Variants in EYA4 observed in about 807,000 individuals in gnomAD.
The protein encoded by EYA4 is EYA transcriptional coactivator and phosphatase 4.
In EYA4, 31 loss-of-function variants were observed where a neutral mutation model predicts 87.9. The ratio of observed to expected loss-of-function variants is 0.35; its 90% CI spans 0.27 to 0.48. The LOEUF (loss-of-function observed/expected upper bound fraction) is 0.48, where lower values mean the gene tolerates loss of function less well. Ranked by LOEUF, EYA4 falls within the 20% of genes least tolerant of loss-of-function variation. The probability of loss-of-function intolerance (pLI) is 0.99; values close to 1 mark genes in which losing one functional copy is unlikely to be tolerated. For synonymous variants in EYA4, 263 were observed against 270.6 expected (o/e 0.97, Z 0.28); for missense variants, 678 against 761.4 (o/e 0.89, Z 1.29).
At chr6:133,290,033 A>G (rs1778360693) in intron 2 of EYA4, among the ~76,000 whole-genome samples, 1 of 152,190 alleles carries the variant, frequency 6.6e-6, no homozygotes, top group African/African-American at 2.4e-5. Flanking sequence ...GATTATAACT[A>G]GATTCTGAGC....
intron 2 of EYA4, among the ~76,000 whole-genome samples, chr6:133,285,219 A>G (rs144930756): frequency 0.053 from 8,035 of 152,074 alleles, 732 homozygotes; most frequent in African/African-American, 0.18. Flanking sequence ...GATGGTCTCA[A>G]TCTCCTGACC....
chr6:133,325,800 G>A (rs145019003), intron 2 of EYA4, among the ~76,000 whole-genome samples: 1 of 152,288 alleles, frequency 6.6e-6, no homozygotes, highest in Non-Finnish European at 1.5e-5. Context: ...CAATGAAAAA[G>A]CAGCCATCCA....
intron 17 of EYA4, among the ~76,000 whole-genome samples, chr6:133,517,267 A>T: frequency 6.6e-6 from 1 of 152,096 alleles, no homozygotes; most frequent in East Asian, 1.9e-4. Context: ...AAAAAGAAAA[A>T]TGGGTATTAG....
intron 3 of EYA4, among the ~76,000 whole-genome samples, chr6:133,442,210 A>G (rs558968311): frequency 2.6e-5 from 4 of 152,242 alleles, no homozygotes; most frequent in Admixed American, 2.6e-4. Context: ...TTAGGTCACA[A>G]AATATTTATA....
intron 3 of EYA4, among the ~76,000 whole-genome samples, chr6:133,423,399 C>T (rs1255303676): frequency 6.6e-6 from 1 of 152,134 alleles, no homozygotes; most frequent in Non-Finnish European, 1.5e-5. Flanking sequence ...TACCAATTTA[C>T]ATTCCCAACA....
In EYA4 at chr6:133,361,112, A is replaced by G. The variant is rs1048130401; in HGVS notation, c.34-21280A>G. On this transcript the variant is annotated intron_variant, in intron 2 of 19. Transcript: ENST00000355286. ...CTGGCCTACTTATCACAATGGGTGG[A>G]TCTGAAGCTGACTGTTAGATTGTCA... is the stretch of plus-strand genomic sequence containing the variant. Among the ~76,000 whole-genome samples the G allele has an allele frequency of 2.6e-5, 4 of 152,168 alleles. No homozygotes were observed. In the South Asian group the frequency reaches 8.3e-4, roughly 32 times the overall value.
intron 1 of EYA4, among the ~76,000 whole-genome samples, chr6:133,270,433 A>C (rs1190668549): frequency 6.6e-6 from 1 of 152,240 alleles, no homozygotes; most frequent in Non-Finnish European, 1.5e-5. Context: ...ATGATAAAGG[A>C]AAAGGAAATA....
At chr6:133,294,993 T>C (rs957506253) in intron 2 of EYA4, among the ~76,000 whole-genome samples, 2 of 152,222 alleles carry the variant, frequency 1.3e-5, no homozygotes, top group Admixed American at 6.5e-5. Flanking sequence ...TAGTGTAATA[T>C]AGCTAAATTG....
At chr6:133,295,064 ATAT>A (rs771187513) in intron 2 of EYA4, among the ~76,000 whole-genome samples, 5 of 152,248 alleles carry the variant, frequency 3.3e-5, no homozygotes, top group Non-Finnish European at 5.9e-5. Context: ...TATACTAAAT[ATAT>A]TTAAATGTTT....
rs1038487456 is a variant in EYA4, at chr6:133,530,325, T to C, written c.*1520T>C. 6.1e-6 allele frequency: 6 copies of C among 985,332 alleles called. No individual in the cohort carries two copies. In the African/African-American group the frequency reaches 1.0e-4, roughly 17 times the overall value. The allele number at this position is 985,332 out of a possible 1,614,324, so 61.0% of individuals were successfully genotyped here. On this transcript the variant is annotated 3_prime_UTR_variant, in exon 20 of 20. Coordinates refer to ENST00000355286, the MANE Select transcript of EYA4 (RefSeq NM_004100.5). ...CATTACAAGAAGAGCCCATCATCGT[T>C]GTGTTTGCATGGTTTTTTTCCTTGT...
intron 3 of EYA4, among the ~76,000 whole-genome samples, chr6:133,443,049 T>C (rs1792464821): frequency 6.6e-6 from 1 of 152,070 alleles, no homozygotes; most frequent in African/African-American, 2.4e-5. Context: ...TTCTCATCTA[T>C]GTTTATAAGA....
intron 2 of EYA4, among the ~76,000 whole-genome samples, chr6:133,282,420 T>C (rs9493583): frequency 0.25 from 37,784 of 152,138 alleles, 5,604 homozygotes; most frequent in East Asian, 0.47. Context: ...ATCCTTTTCC[T>C]ACTTCTAAGT....
intron 3 of EYA4, among the ~76,000 whole-genome samples, chr6:133,396,512 T>C (rs949268127): frequency 6.6e-6 from 1 of 152,190 alleles, no homozygotes; most frequent in Non-Finnish European, 1.5e-5. Flanking sequence ...AGGAGCATCA[T>C]GTGTGACATC....
At chr6:133,272,256 T>G (rs1398157138) in intron 1 of EYA4, among the ~76,000 whole-genome samples, 1 of 152,186 alleles carries the variant, frequency 6.6e-6, no homozygotes, top group East Asian at 1.9e-4. Context: ...TCTCTTCCTC[T>G]GTCAACTGAT....
In EYA4 at chr6:133,468,666, G is replaced by A. The variant is rs75133151; in HGVS notation, c.905G>A (p.Gly302Asp). The change falls in exon 11 of 20, where the codon GGC becomes GAC. Residue 302 changes from glycine to aspartate, a missense_variant. By Grantham distance (94) the Gly-to-Asp change is moderately conservative. Transcript: ENST00000355286. Reference sequence around the variant, plus strand: ...ATGACATCGAATAACACAGCCGATGGCACACCCTCTTCAACCTCTACTTAT... The same window carrying A: ...ATGACATCGAATAACACAGCCGATGACACACCCTCTTCAACCTCTACTTAT... ...AYMTSNNTAD[G>D]TPSSTSTYQL... 2,470 of 1,612,918 alleles carry A rather than the reference G, an allele frequency of 1.5e-3. 32 individuals carry two copies. In the African/African-American group the frequency reaches 0.027, roughly 18 times the overall value.
chr6:133,391,030 A>G (rs1787220033), intron 3 of EYA4, among the ~76,000 whole-genome samples: 1 of 152,180 alleles, frequency 6.6e-6, no homozygotes, highest in Non-Finnish European at 1.5e-5. Flanking sequence ...TGGTTTTTGG[A>G]TAGTCCCACT....
intron 2 of EYA4, among the ~76,000 whole-genome samples, chr6:133,276,901 C>CAAAAA (rs3065337): frequency 1.5e-5 from 2 of 133,688 alleles, no homozygotes; most frequent in Non-Finnish European, 1.6e-5. Flanking sequence ...ATAGAAATGT[C>CAAAAA]AAAAAAAAAA....
chr6:133,498,034 A>G (rs576202078), intron 13 of EYA4, among the ~76,000 whole-genome samples: 50 of 152,382 alleles, frequency 3.3e-4, no homozygotes, highest in African/African-American at 7.9e-4. Context: ...TGAACAGTCT[A>G]CACACATTTG....
intron 2 of EYA4, among the ~76,000 whole-genome samples, chr6:133,351,121 A>G (rs1783609192): frequency 6.6e-6 from 1 of 152,162 alleles, no homozygotes; most frequent in South Asian, 2.1e-4. Context: ...TAACTTCCGA[A>G]TCAGCTTAAA....
Sources: gnomAD v4.1 joint callset for allele counts (sites outside exome capture counted in the v4.1 genomes callset) on GRCh38, gnomAD v4.1.1 for gene constraint, MANE v1.5 for transcripts, NCBI Gene and HGNC (gene_info 2026-07-23, HGNC 2026-07-21) for gene names.